Variants in PTPRN2 observed in about 807,000 individuals in gnomAD.
PTPRN2 encodes receptor-type tyrosine-protein phosphatase N2.
PTPRN2 carries 74 observed loss-of-function variants against 118.8 expected under a neutral mutation model. The ratio of observed to expected loss-of-function variants is 0.62; its 90% CI spans 0.52 to 0.76. The LOEUF (loss-of-function observed/expected upper bound fraction) is 0.76, where lower values mean the gene tolerates loss of function less well. Among genes scored for constraint, PTPRN2 ranks in the 30% least tolerant of loss-of-function variants. The pLI is 0.00. For synonymous variants in PTPRN2, 641 were observed against 608.0 expected, an observed-to-expected ratio of 1.05 and a Z score of -0.80; for missense variants, 1,481 against 1,394.4, an observed-to-expected ratio of 1.06 and a Z score of -0.99.
Position 158,526,146 on chromosome 7 carries a change from G to C in PTPRN2, c.113-36361C>G, listed in dbSNP as rs60555026. ...TACAGCTTCTGAAAGGGCCCGCTCT[G>C]GGGGGAGCCACATCAGGCAGACACA... On this transcript the variant is annotated intron_variant, in intron 1 of 22. Transcript: ENST00000389418. The surrounding 1 kb of genome is among the most constrained non-coding windows in gnomAD (Gnocchi z 5.2). Among the ~76,000 whole-genome samples, 5,101 of 152,218 alleles carry C rather than the reference G, an allele frequency of 0.034. 297 individuals are homozygous for C. The highest frequency in any genetic ancestry group is 0.12 in the African/African-American group (4,823 of 41,504).
chr7:158,145,451 T>C (rs1437903384), intron 6 of PTPRN2, among the ~76,000 whole-genome samples: 2 of 152,200 alleles, frequency 1.3e-5, no homozygotes. Flanking sequence ...AGCCTACTTG[T>C]ATCGACAGAG....
chr7:158,324,389 G>T (rs528809876), intron 2 of PTPRN2, among the ~76,000 whole-genome samples: 1 of 152,208 alleles, frequency 6.6e-6, no homozygotes, highest in Non-Finnish European at 1.5e-5. Flanking sequence ...GTCCGTGGAA[G>T]TGTTTAAGAC....
chr7:157,947,664 A>G (rs6950693), intron 11 of PTPRN2, among the ~76,000 whole-genome samples: 79,532 of 152,028 alleles, frequency 0.52, 21,691 homozygotes, highest in East Asian at 0.66. Flanking sequence ...ACTGACCAAT[A>G]CTATCCCAAA....
intron 3 of PTPRN2, among the ~76,000 whole-genome samples, chr7:158,211,794 T>G (rs1180707379): frequency 6.6e-6 from 1 of 152,208 alleles, no homozygotes; most frequent in Non-Finnish European, 1.5e-5. Context: ...ACAACTATTA[T>G]GGAGAGTAGT....
At chr7:158,372,297 TGGTCCCCCCAACGCTGGTCC>T (rs1810091008) in intron 2 of PTPRN2, among the ~76,000 whole-genome samples, 1 of 148,594 alleles carries the variant, frequency 6.7e-6, no homozygotes. Context: ...TCCCCGGAGC[TGGTCCCCCCAACGCTGGTCC>T]CCGGAGCTGG....
intron 3 of PTPRN2, among the ~76,000 whole-genome samples, chr7:158,242,746 A>T (rs569905321): frequency 1.4e-4 from 21 of 152,276 alleles, no homozygotes; most frequent in African/African-American, 5.1e-4. Flanking sequence ...TTCATGATTC[A>T]GTCTTGGTAG....
At chr7:157,981,816 T>C (rs1196160284) in intron 11 of PTPRN2, among the ~76,000 whole-genome samples, 3 of 152,266 alleles carry the variant, frequency 2.0e-5, no homozygotes, top group Non-Finnish European at 2.9e-5. Context: ...ACCAGTTCCC[T>C]ATCATATCAG....
At chr7:158,017,172 G>A (rs2128873138) in intron 11 of PTPRN2, among the ~76,000 whole-genome samples, 1 of 152,350 alleles carries the variant, frequency 6.6e-6, no homozygotes, top group African/African-American at 2.4e-5. Flanking sequence ...AGGTGCATTT[G>A]CAAATGAACG....
chr7:158,380,184 A>T (rs765573006), intron 2 of PTPRN2, among the ~76,000 whole-genome samples: 1 of 152,090 alleles, frequency 6.6e-6, no homozygotes, highest in African/African-American at 2.4e-5. Flanking sequence ...AACCAATCAT[A>T]TCTTCCCAAC....
intron 3 of PTPRN2, among the ~76,000 whole-genome samples, chr7:158,299,999 C>T (rs74500053): frequency 0.015 from 2,243 of 152,268 alleles, 64 homozygotes; most frequent in African/African-American, 0.05. Context: ...GCAGGCAAAA[C>T]GAGCACCATT....
chr7:157,698,137 G>T (rs1486000958), intron 12 of PTPRN2, among the ~76,000 whole-genome samples: 1 of 152,234 alleles, frequency 6.6e-6, no homozygotes, highest in Non-Finnish European at 1.5e-5. Context: ...CATAAGCAAT[G>T]CAAATGTAAG....
At chr7:158,267,091 C>T (rs891568315) in intron 3 of PTPRN2, among the ~76,000 whole-genome samples, 2 of 152,264 alleles carry the variant, frequency 1.3e-5, no homozygotes, top group African/African-American at 4.8e-5. Flanking sequence ...ACACCCGCGG[C>T]AGGTCCCGCC....
chr7:157,813,981 TC>T lies in PTPRN2; in HGVS notation c.1788+84691del, dbSNP rs1256111606. Among the ~76,000 whole-genome samples, 2 of 152,204 alleles carry T rather than the reference TC, an allele frequency of 1.3e-5. No homozygotes were observed. The highest frequency in any genetic ancestry group is 2.9e-5 in the Non-Finnish European group (2 of 68,032). On this transcript the variant is annotated intron_variant, in intron 12 of 22. Coordinates refer to ENST00000389418, the MANE Select transcript of PTPRN2 (RefSeq NM_002847.5). This position sits in a 1 kb window ranked among gnomAD's most constrained non-coding sequence, Gnocchi z 4.7. ...TTTGTGGTGCTTTGGAGGAGTTTGC[TC>T]CTTAGAGTGAGGGGGATTGTTCTGC...
chr7:158,326,104 G>A lies in PTPRN2; in HGVS notation c.164-9172C>T, dbSNP rs192104357. 6.2e-3 allele frequency among the ~76,000 whole-genome samples: 945 copies of A among 152,336 alleles called. 6 individuals carry two copies. The highest frequency in any genetic ancestry group is 8.6e-3 in the Non-Finnish European group (586 of 68,032). On this transcript the variant is annotated intron_variant, in intron 2 of 22. Coordinates refer to ENST00000389418, the MANE Select transcript of PTPRN2 (RefSeq NM_002847.5). ...CAGGGCCCCACAGGCCATACCCGCC[G>A]CAGGTCTTGAGTCTGGCAGCCAGGG...
intron 11 of PTPRN2, among the ~76,000 whole-genome samples, chr7:157,942,171 G>C (rs1430752195): frequency 2.5e-5 from 1 of 40,240 alleles, no homozygotes; most frequent in Admixed American, 3.0e-4. Context: ...CCACACACAG[G>C]GGTCCTCGGC....
At chr7:157,966,404 A>G (rs933124305) in intron 11 of PTPRN2, among the ~76,000 whole-genome samples, 11 of 151,908 alleles carry the variant, frequency 7.2e-5, no homozygotes, top group African/African-American at 2.4e-4. Flanking sequence ...CACTATCACC[A>G]TCATCGCCAT....
At chr7:158,151,458 C>T (rs71544540) in intron 6 of PTPRN2, among the ~76,000 whole-genome samples, 593 of 59,918 alleles carry the variant, frequency 9.9e-3, no homozygotes, top group Middle Eastern at 0.013. Flanking sequence ...CCTGCCCACA[C>T]CACCCGCCTT....
chr7:158,092,033 T>A (rs1337665108), intron 10 of PTPRN2, among the ~76,000 whole-genome samples: 1 of 132,600 alleles, frequency 7.5e-6, no homozygotes, highest in Non-Finnish European at 1.6e-5. Flanking sequence ...GGTAGAGAGA[T>A]GGGTGGGTGA....
chr7:157,899,960 G>A (rs544765955), intron 11 of PTPRN2, among the ~76,000 whole-genome samples: 34 of 152,244 alleles, frequency 2.2e-4, no homozygotes, highest in Non-Finnish European at 3.5e-4. Context: ...CTGTCCTCCC[G>A]CAAACAGAGG....
Sources: gnomAD v4.1 joint callset for allele counts (sites outside exome capture counted in the v4.1 genomes callset) on GRCh38, gnomAD v4.1.1 for gene constraint, Gnocchi (gnomAD v3.1) non-coding constraint, MANE v1.5 for transcripts, NCBI Gene and HGNC (gene_info 2026-07-23, HGNC 2026-07-21) for gene names.